GAS7: variants seen among roughly 807,000 people sequenced by gnomAD.
The protein encoded by GAS7 is growth arrest-specific protein 7.
GAS7 carries 28 observed loss-of-function variants against 71.1 expected under a neutral mutation model. The observed-to-expected ratio is 0.39, with a 90% CI of 0.29 to 0.54. GAS7 has a LOEUF of 0.54. Ranked by LOEUF, GAS7 falls within the 20% of genes least tolerant of loss-of-function variation. GAS7 has a pLI of 0.62. For synonymous variants in GAS7, 258 were observed against 245.8 expected, an observed-to-expected ratio of 1.05 and a Z score of -0.46; for missense variants, 436 against 627.8, an observed-to-expected ratio of 0.69 and a Z score of 3.27.
intron 1 of GAS7, among the ~76,000 whole-genome samples, chr17:10,186,672 C>T (rs1176755570): frequency 1.3e-5 from 2 of 152,170 alleles, no homozygotes; most frequent in Admixed American, 6.5e-5. Context: ...TCCCAAAGTG[C>T]TGGGATTACA....
chr17:9,938,793 C>A (rs1357006641), intron 8 of GAS7, among the ~76,000 whole-genome samples: 4 of 152,220 alleles, frequency 2.6e-5, no homozygotes, highest in Non-Finnish European at 5.9e-5. Flanking sequence ...CCTCCCCCAG[C>A]CCCTGGCAAA....
intron 1 of GAS7, among the ~76,000 whole-genome samples, chr17:10,177,899 CCAACT>C (rs1043993812): frequency 6.6e-6 from 1 of 152,096 alleles, no homozygotes; most frequent in African/African-American, 2.4e-5. Flanking sequence ...ACAAAGCCCC[CCAACT>C]ACCTCAACAC....
At chr17:10,193,064 T>C (rs911629460) in intron 1 of GAS7, among the ~76,000 whole-genome samples, 5 of 152,136 alleles carry the variant, frequency 3.3e-5, no homozygotes, top group African/African-American at 4.8e-5. Flanking sequence ...TTGTGTAATA[T>C]AGCAAACATC....
chr17:9,937,130 G>A (rs1289831122), intron 8 of GAS7, among the ~76,000 whole-genome samples: 1 of 152,244 alleles, frequency 6.6e-6, no homozygotes, highest in Admixed American at 6.5e-5. Flanking sequence ...GCAGGAGTGT[G>A]TGCATGGGGC....
chr17:10,029,388 T>A (rs1454207389), intron 1 of GAS7, among the ~76,000 whole-genome samples: 1 of 152,088 alleles, frequency 6.6e-6, no homozygotes, highest in Non-Finnish European at 1.5e-5. Flanking sequence ...CAAATAAAGG[T>A]GAAGAATGAC....
intron 3 of GAS7, among the ~76,000 whole-genome samples, chr17:9,978,460 A>G (rs965881992): frequency 6.6e-6 from 1 of 151,096 alleles, no homozygotes; most frequent in Non-Finnish European, 1.5e-5. Flanking sequence ...AACCAGTCTG[A>G]GCAATATGGC....
intron 1 of GAS7, among the ~76,000 whole-genome samples, chr17:10,192,355 C>T (rs928941699): frequency 1.3e-5 from 2 of 152,198 alleles, no homozygotes; most frequent in African/African-American, 2.4e-5. Context: ...AATAAGACAG[C>T]ACAGTCCCCT....
intron 2 of GAS7, among the ~76,000 whole-genome samples, chr17:9,995,716 G>A (rs1417741783): frequency 6.6e-6 from 1 of 152,156 alleles, no homozygotes; most frequent in Non-Finnish European, 1.5e-5. Flanking sequence ...AGGTAATTTG[G>A]AGATATCCAT....
At chr17:9,963,436 G>C (rs984484346) in intron 4 of GAS7, among the ~76,000 whole-genome samples, 2 of 152,026 alleles carry the variant, frequency 1.3e-5, no homozygotes, top group Non-Finnish European at 2.9e-5. Flanking sequence ...GAATTGTATG[G>C]GTATGTGAAT....
In GAS7 at chr17:9,969,451, A is replaced by G. The variant is rs2277689; in HGVS notation, c.471+226T>C. 0.8 allele frequency among the ~76,000 whole-genome samples: 121,594 copies of G among 152,070 alleles called. 49,305 individuals are homozygous for G. The highest frequency in any genetic ancestry group is 0.94 in the African/African-American group (38,932 of 41,512). On this transcript the variant is annotated intron_variant, in intron 4 of 13. Coordinates refer to ENST00000432992, the MANE Select transcript of GAS7 (RefSeq NM_201433.2). The surrounding 1 kb of genome is among the most constrained non-coding windows in gnomAD (Gnocchi z 5.5). The stretch of plus-strand genomic sequence containing the variant: ...AATGGTTTCAACCCCATCACCGTCA[A>G]CCCCTCCTCCAAACCACCCTCGACT...
chr17:9,956,502 C>T (rs539169941), intron 5 of GAS7, among the ~76,000 whole-genome samples: 58 of 152,244 alleles, frequency 3.8e-4, no homozygotes, highest in Admixed American at 3.2e-3. Flanking sequence ...TAGATTCAGA[C>T]GCGTTCATGC....
Position 9,959,551 on chromosome 17 carries a change from C to T in GAS7, c.472-296G>A. 2 of 859,890 alleles carry T rather than the reference C, an allele frequency of 2.3e-6. No individual in the cohort carries two copies. Among genetic ancestry groups the T allele is most frequent in the Admixed American group, 3.8e-5 (1 of 26,656 alleles). 53.3% of individuals were successfully genotyped at this position (859,890 alleles called of 1,614,324 possible). ...TCAGTCTGTGATTTGGGGAGTTAAC[C>T]CCTCCGCTGCCCTCTGCTGGTGAAC... On this transcript the variant is annotated intron_variant, in intron 4 of 13. Coordinates refer to ENST00000432992, the MANE Select transcript of GAS7 (RefSeq NM_201433.2). The surrounding 1 kb of genome is among the most constrained non-coding windows in gnomAD (Gnocchi z 5.0).
intron 2 of GAS7, among the ~76,000 whole-genome samples, chr17:10,001,012 A>AAAACAAACAAAC (rs60639057): frequency 1.3e-5 from 2 of 151,622 alleles, no homozygotes. Context: ...GTATCATATA[A>AAAACAAACAAAC]AAACAAACAA....
chr17:9,939,045 G>A (rs948714677), intron 8 of GAS7, among the ~76,000 whole-genome samples: 3 of 152,136 alleles, frequency 2.0e-5, no homozygotes, highest in Admixed American at 6.5e-5. Flanking sequence ...TCATCCCTGG[G>A]TGGAATGTGG....
chr17:10,055,280 A>C (rs1199822100), intron 1 of GAS7, among the ~76,000 whole-genome samples: 1 of 152,214 alleles, frequency 6.6e-6, no homozygotes, highest in Non-Finnish European at 1.5e-5. Flanking sequence ...GGTTGGATCC[A>C]TGCCTCGTGG....
intron 2 of GAS7, among the ~76,000 whole-genome samples, chr17:10,011,221 G>A (rs1486976382): frequency 6.6e-6 from 1 of 152,200 alleles, no homozygotes; most frequent in African/African-American, 2.4e-5. Flanking sequence ...GCCACCTTCT[G>A]TTTTGCTTGG....
At chr17:9,956,794 G>A (rs994539639) in intron 5 of GAS7, among the ~76,000 whole-genome samples, 2 of 152,180 alleles carry the variant, frequency 1.3e-5, no homozygotes, top group Non-Finnish European at 1.5e-5. Context: ...CACGGGAAGC[G>A]GCTCACCTCA....
At chr17:10,049,611 T>G (rs1273077205) in intron 1 of GAS7, among the ~76,000 whole-genome samples, 1 of 60,264 alleles carries the variant, frequency 1.7e-5, no homozygotes, top group Non-Finnish European at 3.0e-5. Context: ...AATTACTTCT[T>G]TTTTTTTTTT....
intron 1 of GAS7, among the ~76,000 whole-genome samples, chr17:10,114,714 ACACAC>A (rs2073844152): frequency 6.6e-6 from 1 of 151,856 alleles, no homozygotes; most frequent in African/African-American, 2.4e-5. Context: ...ACACACACAC[ACACAC>A]ACACACACAC....
Sources: allele counts gnomAD v4.1 joint callset (sites outside exome capture counted in the v4.1 genomes callset), GRCh38; gene constraint gnomAD v4.1.1; non-coding constraint Gnocchi (gnomAD v3.1); transcripts MANE v1.5; gene names NCBI Gene and HGNC (gene_info 2026-07-23, HGNC 2026-07-21).